KIRREL3: variants seen among roughly 807,000 people sequenced by gnomAD.
The protein encoded by KIRREL3 is kirre like nephrin family adhesion molecule 3.
In KIRREL3, 36 loss-of-function variants were observed where a neutral mutation model predicts 89.7. The observed-to-expected ratio is 0.40, with a 90% CI of 0.31 to 0.53. The LOEUF (loss-of-function observed/expected upper bound fraction) is 0.53. KIRREL3 is among the 20% of genes least tolerant of loss of function. KIRREL3 has a pLI of 0.49. For missense variants in KIRREL3, 864 were observed against 1,056.6 expected, an observed-to-expected ratio of 0.82 and a Z score of 2.53; for synonymous variants, 445 against 441.4, an observed-to-expected ratio of 1.01 and a Z score of -0.10.
At chr11:126,626,997 T>A (rs755886062) in intron 1 of KIRREL3, among the ~76,000 whole-genome samples, 4 of 117,930 alleles carry the variant, frequency 3.4e-5, no homozygotes, top group Admixed American at 9.9e-5. Flanking sequence ...TGAAACACTG[T>A]CTCAAGAAAA....
At chr11:126,602,600 C>T (rs1021039428) in intron 1 of KIRREL3, among the ~76,000 whole-genome samples, 5 of 152,170 alleles carry the variant, frequency 3.3e-5, no homozygotes, top group East Asian at 1.9e-4. Flanking sequence ...TTGGCTTGAA[C>T]GCCTCTGATC....
At chr11:126,875,301 C>G (rs1325663187) in intron 1 of KIRREL3, among the ~76,000 whole-genome samples, 1 of 152,180 alleles carries the variant, frequency 6.6e-6, no homozygotes, top group Non-Finnish European at 1.5e-5. Context: ...AACCACTCTT[C>G]TCCCCTAGTG....
rs1355280732 is a variant in KIRREL3 at position 126,441,390 on chromosome 11, C to T, written c.1253-841G>A. Among the ~76,000 whole-genome samples the T allele has an allele frequency of 6.6e-6, 1 of 152,234 alleles. No homozygotes were observed. The highest frequency in any genetic ancestry group is 1.5e-5 in the Non-Finnish European group (1 of 68,044). On this transcript the variant is annotated intron_variant, in intron 10 of 16. Coordinates refer to ENST00000525144, the MANE Select transcript of KIRREL3 (RefSeq NM_032531.4). This position sits in a 1 kb window ranked among gnomAD's most constrained non-coding sequence, Gnocchi z 5.0. ...TTCCCCAGCGCCTCCTGTCCAGTTC[C>T]GCCTGTTACCTAACCCAAGTCTTTC...
intron 1 of KIRREL3, among the ~76,000 whole-genome samples, chr11:126,633,691 C>T (rs1229826304): frequency 2.0e-5 from 3 of 152,170 alleles, no homozygotes. Context: ...CCAATTAGAT[C>T]TCTTTTCTTT....
intron 6 of KIRREL3, among the ~76,000 whole-genome samples, chr11:126,456,998 T>C (rs1003190282): frequency 7.2e-5 from 11 of 152,092 alleles, no homozygotes; most frequent in Non-Finnish European, 1.2e-4. Flanking sequence ...CTTCCTCATT[T>C]GACGTGATAA....
chr11:126,454,099 G>A lies in KIRREL3; in HGVS notation c.848+2250C>T, dbSNP rs1022241346. Among the ~76,000 whole-genome samples the A allele has an allele frequency of 5.3e-5, 8 of 152,264 alleles. No homozygotes were observed. Among genetic ancestry groups the A allele is most frequent in the South Asian group, 2.1e-4 (1 of 4,820 alleles). On this transcript the variant is annotated intron_variant, in intron 7 of 16. Transcript: ENST00000525144. This position sits in a 1 kb window ranked among gnomAD's most constrained non-coding sequence, Gnocchi z 5.8. ...ATTAACTGCCACCCTCCCATCGCCCGGATTCACCAGCTGTTAACATTTTCT... is the reference window on the plus strand; with the variant it reads ...ATTAACTGCCACCCTCCCATCGCCCAGATTCACCAGCTGTTAACATTTTCT...
rs749539540 is a variant in KIRREL3, at chr11:126,764,417, G to A, written c.56-201505C>T. ...TTCTGTCCTAGAGATAGGTGGCAGT[G>A]TGGATTCAGGGCTGTGTGGTTCAAG... On this transcript the variant is annotated intron_variant, in intron 1 of 16. Coordinates refer to ENST00000525144, the MANE Select transcript of KIRREL3 (RefSeq NM_032531.4). This position sits in a 1 kb window ranked among gnomAD's most constrained non-coding sequence, Gnocchi z 4.2. Among the ~76,000 whole-genome samples the A allele has an allele frequency of 6.6e-6, 1 of 152,178 alleles. No homozygotes were observed. The highest frequency in any genetic ancestry group is 1.5e-5 in the Non-Finnish European group (1 of 68,040).
chr11:126,619,185 T>G (rs927134498), intron 1 of KIRREL3, among the ~76,000 whole-genome samples: 6 of 152,238 alleles, frequency 3.9e-5, no homozygotes, highest in African/African-American at 1.4e-4. Flanking sequence ...AGTTGAGATC[T>G]GAATGACAAG....
Position 126,628,385 on chromosome 11 carries a change from T to C in KIRREL3, c.56-65473A>G, listed in dbSNP as rs575966100. Among the ~76,000 whole-genome samples, 24 of 152,306 alleles carry C rather than the reference T, an allele frequency of 1.6e-4. No homozygotes were observed. Among genetic ancestry groups the C allele is most frequent in the Admixed American group, 7.2e-4 (11 of 15,290 alleles). ...TGGAGGCAGGGAGCTGACTTCACAG[T>C]GACTGAGGAGACATACCTTAGCCCA... On this transcript the variant is annotated intron_variant, in intron 1 of 16. Coordinates refer to ENST00000525144, the MANE Select transcript of KIRREL3 (RefSeq NM_032531.4). This position sits in a 1 kb window ranked among gnomAD's most constrained non-coding sequence, Gnocchi z 5.2.
chr11:126,631,738 T>C (rs1406043986), intron 1 of KIRREL3, among the ~76,000 whole-genome samples: 1 of 152,210 alleles, frequency 6.6e-6, no homozygotes, highest in Non-Finnish European at 1.5e-5. Context: ...TTCAAATCCA[T>C]TAGCTCATTT....
intron 1 of KIRREL3, among the ~76,000 whole-genome samples, chr11:126,799,214 CTGTGTGTGTA>C (rs1950917367): frequency 2.2e-5 from 3 of 136,754 alleles, no homozygotes; most frequent in East Asian, 2.2e-4. Context: ...ATGTGTGTAT[CTGTGTGTGTA>C]TCTGTGTATC....
At position 126,558,336 on chromosome 11, in the gene KIRREL3, A is replaced by G. The variant is rs376085306; in HGVS notation, c.133+4499T>C. 6.6e-6 allele frequency among the ~76,000 whole-genome samples: 1 copy of G among 151,996 alleles called. No homozygotes were observed. Among genetic ancestry groups the G allele is most frequent in the Non-Finnish European group, 1.5e-5 (1 of 68,000 alleles). On this transcript the variant is annotated intron_variant, in intron 2 of 16. Transcript: ENST00000525144. This position sits in a 1 kb window ranked among gnomAD's most constrained non-coding sequence, Gnocchi z 4.0. Reference sequence around the variant, plus strand: ...GTCTCCCCTGATTTTCTGCAAATCAACTCAAGTTTTCCCTGTGTTCTGCCC... The same window carrying G: ...GTCTCCCCTGATTTTCTGCAAATCAGCTCAAGTTTTCCCTGTGTTCTGCCC...
At position 126,769,219 on chromosome 11, in the gene KIRREL3, G is replaced by C. The variant is rs527905887; in HGVS notation, c.56-206307C>G. Among the ~76,000 whole-genome samples, 4 of 152,082 alleles carry C rather than the reference G, an allele frequency of 2.6e-5. No individual in the cohort carries two copies. Among genetic ancestry groups the C allele is most frequent in the Non-Finnish European group, 5.9e-5 (4 of 68,014 alleles). On this transcript the variant is annotated intron_variant, in intron 1 of 16. Transcript: ENST00000525144. The surrounding 1 kb of genome is among the most constrained non-coding windows in gnomAD (Gnocchi z 4.3). ...TCAACACATCTCTAATATGGCACAC[G>C]GTGTAATACATTGCCATTACCTGCT...
At chr11:126,850,406 G>A in intron 1 of KIRREL3, among the ~76,000 whole-genome samples, 1 of 152,188 alleles carries the variant, frequency 6.6e-6, no homozygotes, top group East Asian at 1.9e-4. Flanking sequence ...CGAGTGAGCT[G>A]CTGGGTGGGC....
At chr11:126,649,510 C>A (rs1428082100) in intron 1 of KIRREL3, among the ~76,000 whole-genome samples, 2 of 152,048 alleles carry the variant, frequency 1.3e-5, no homozygotes, top group Non-Finnish European at 2.9e-5. Context: ...AGAAATTGAC[C>A]AAAACAAAGG....
chr11:126,947,494 C>G (rs1423811985), intron 1 of KIRREL3, among the ~76,000 whole-genome samples: 1 of 152,182 alleles, frequency 6.6e-6, no homozygotes, highest in Non-Finnish European at 1.5e-5. Context: ...GATTTAGAAA[C>G]TGGACAGCCC....
intron 1 of KIRREL3, among the ~76,000 whole-genome samples, chr11:126,952,417 T>C (rs1948799243): frequency 6.6e-6 from 1 of 152,096 alleles, no homozygotes; most frequent in Admixed American, 6.6e-5. Context: ...CCTTCACACA[T>C]TTTTTGATGG....
rs1955520259 is a variant in KIRREL3 at position 126,440,490 on chromosome 11, T to TG, written c.1311_1312insC (p.Ile438HisfsTer73). The TG allele has an allele frequency of 6.2e-7, 1 of 1,600,662 alleles. No individual in the cohort carries two copies. The highest frequency in any genetic ancestry group is 8.5e-7 in the Non-Finnish European group (1 of 1,174,200). On this transcript the variant is annotated frameshift_variant, in exon 11 of 17. Coordinates refer to ENST00000525144, the MANE Select transcript of KIRREL3 (RefSeq NM_032531.4). LOFTEE classifies it high-confidence loss of function. The stretch of plus-strand genomic sequence containing the variant: ...GGCGTGCTCCGGATGAAGCACTTGA[T>TG]CTGGCCCTTCTCGCCGTGGAGGGCG...
chr11:126,546,288 G>A (rs1281287233), intron 2 of KIRREL3, among the ~76,000 whole-genome samples: 2 of 152,222 alleles, frequency 1.3e-5, no homozygotes, highest in African/African-American at 2.4e-5. Context: ...AGTGGGAAAT[G>A]GAGGCCCAGT....
Sources: gnomAD v4.1 joint callset for allele counts (sites outside exome capture counted in the v4.1 genomes callset) on GRCh38, gnomAD v4.1.1 for gene constraint, Gnocchi (gnomAD v3.1) non-coding constraint, MANE v1.5 for transcripts, NCBI Gene and HGNC (gene_info 2026-07-23, HGNC 2026-07-21) for gene names.